The following RAD51C variants were observed in gnomAD, a reference collection of about 807,000 sequenced individuals.
RAD51C encodes RAD51 paralog C.
Under a neutral mutation model 45.0 loss-of-function variants are expected in RAD51C, and 42 were observed. The ratio of observed to expected loss-of-function variants is 0.93; its 90% CI spans 0.73 to 1.21. The LOEUF (loss-of-function observed/expected upper bound fraction) is 1.21, where lower values mean the gene tolerates loss of function less well. Among genes scored for constraint, RAD51C ranks in the 50% most tolerant of loss-of-function variants. The pLI is 0.00. For missense variants in RAD51C, 474 were observed against 452.2 expected (o/e 1.05, Z -0.44); for synonymous variants, 172 against 159.8 (o/e 1.08, Z -0.58).
rs960357173 is a variant in RAD51C at position 58,696,992 on chromosome 17, CTT to C, written c.571+136_571+137del. 17 of 1,071,812 alleles carry C rather than the reference CTT, an allele frequency of 1.6e-5. No homozygotes were observed. The African/African-American group carries it at 2.2e-4, about 14-fold the overall frequency. 66.4% of individuals were successfully genotyped at this position (1,071,812 alleles called of 1,614,324 possible). On this transcript the variant is annotated intron_variant, in intron 3 of 8. Transcript: ENST00000337432. ...CTGGACAGTTAACTAGTGTTAAACT[CTT>C]TTACTACTGTTACAAAATGAGAAAT...
chr17:58,734,588 G>GTTTTTTTTTTT lies in RAD51C; in HGVS notation c.*379_*389dup, dbSNP rs34517797. 9.9e-6 allele frequency: 1 copy of GTTTTTTTTTTT among 100,770 alleles called. No homozygotes were observed. The highest frequency in any genetic ancestry group is 4.9e-5 in the African/African-American group (1 of 20,388). 6.2% of individuals were successfully genotyped at this position (100,770 alleles called of 1,614,324 possible). On this transcript the variant is annotated 3_prime_UTR_variant, in exon 9 of 9. Coordinates refer to ENST00000337432, the MANE Select transcript of RAD51C (RefSeq NM_058216.3). Reference sequence around the variant, plus strand: ...AAGAAACATATCATATTCTTATTGTGTTTTTTTTTTTTTTTTTTTTTTTGG... The same window carrying GTTTTTTTTTTT: ...AAGAAACATATCATATTCTTATTGTGTTTTTTTTTTTTTTTTTTTTTTTTTTTTTTTTTTGG...
At chr17:58,726,686 G>A (rs548525658) in intron 7 of RAD51C, among the ~76,000 whole-genome samples, 8 of 151,778 alleles carry the variant, frequency 5.3e-5, no homozygotes, top group African/African-American at 1.9e-4. Context: ...GTATATGTGT[G>A]TGTATATATA....
chr17:58,700,705 G>A (rs767705227), intron 3 of RAD51C, among the ~76,000 whole-genome samples: 3 of 152,090 alleles, frequency 2.0e-5, no homozygotes, highest in African/African-American at 4.8e-5. Context: ...CTCCCAAAGC[G>A]CTGGGATTAC....
chr17:58,692,642 C>T lies in RAD51C; in HGVS notation c.-2C>T, dbSNP rs876658796. 20 of 1,613,932 alleles carry T rather than the reference C, an allele frequency of 1.2e-5. No homozygotes were observed. The highest frequency in any genetic ancestry group is 5.0e-5 in the Admixed American group (3 of 60,006). On this transcript the variant is annotated 5_prime_UTR_variant, in exon 1 of 9. Transcript: ENST00000337432. ...GCTCCGGGGTTAGCAGGTGAGCCTG[C>T]GATGCGCGGGAAGACGTTCCGCTTT...
At chr17:58,716,526 G>A (rs139297695) in intron 5 of RAD51C, among the ~76,000 whole-genome samples, 18 of 152,028 alleles carry the variant, frequency 1.2e-4, no homozygotes, top group East Asian at 1.2e-3. Context: ...GCAGTGGCGC[G>A]ATCTTGGCTC....
Position 58,692,761 on chromosome 17 carries a change from G to A in RAD51C, c.118G>A (p.Glu40Lys), listed in dbSNP as rs786204086. 1 of 1,614,246 alleles carries A rather than the reference G, an allele frequency of 6.2e-7. No individual in the cohort carries two copies. The highest frequency in any genetic ancestry group is 8.5e-7 in the Non-Finnish European group (1 of 1,180,044). Reference sequence around the variant, plus strand: ...GTTCCAGACTGCTGAGGAACTCCTAGAGGTGAAACCCTCCGAGCTTAGCAA... The same window carrying A: ...GTTCCAGACTGCTGAGGAACTCCTAAAGGTGAAACCCTCCGAGCTTAGCAA... Reference protein sequence around the residue: ...AGFQTAEELLEVKPSELSKEV... With the variant: ...AGFQTAEELLKVKPSELSKEV... Residue 40 changes from glutamate (E) to lysine (K), a missense_variant, in exon 1 of 9, where the codon GAG becomes AAG. Transcript: ENST00000337432.
Position 58,735,198 on chromosome 17 carries a change from T to G in RAD51C, c.*976T>G, listed in dbSNP as rs1298682655. On this transcript the variant is annotated 3_prime_UTR_variant, in exon 9 of 9. Transcript: ENST00000337432. ...AAGCTCACAATCATTTATTGCTACG[T>G]TTTTGTTTTTGTTTTGAGACAAGGT... 6.6e-6 allele frequency: 1 copy of G among 152,146 alleles called. No individual in the cohort carries two copies. The highest frequency in any genetic ancestry group is 1.5e-5 in the Non-Finnish European group (1 of 68,058). The allele number at this position is 152,146 out of a possible 1,614,324, so 9.4% of individuals were successfully genotyped here.
intron 7 of RAD51C, among the ~76,000 whole-genome samples, chr17:58,730,879 A>G (rs1459488035): frequency 6.6e-5 from 10 of 152,012 alleles, no homozygotes; most frequent in Non-Finnish European, 1.2e-4. Context: ...ATCATCATCC[A>G]TTTTCAGACC....
At chr17:58,724,144 T>C (rs560101163) in intron 7 of RAD51C, 44 bp downstream of exon 7, 2 of 1,539,466 alleles carry the variant, frequency 1.3e-6, no homozygotes, top group African/African-American at 1.4e-5. Flanking sequence ...TTGGGTTAAT[T>C]ATACTGAATG....
At chr17:58,706,539 C>T (rs2048385790) in intron 4 of RAD51C, 2 of 463,284 alleles carry the variant, frequency 4.3e-6, no homozygotes, top group Non-Finnish European at 9.0e-6. Flanking sequence ...TGGCCCTGCC[C>T]CTTCCTCTCT....
At chr17:58,732,585 G>T in intron 8 of RAD51C, 41 bp downstream of exon 8, 1 of 1,553,830 alleles carries the variant, frequency 6.4e-7, no homozygotes, top group African/African-American at 1.4e-5. Context: ...GATATTGATG[G>T]GCGGTAATTA....
At chr17:58,718,538 T>A (rs371154042) in intron 5 of RAD51C, among the ~76,000 whole-genome samples, 6 of 152,360 alleles carry the variant, frequency 3.9e-5, no homozygotes, top group African/African-American at 1.4e-4. Context: ...CCTGCTTTAT[T>A]TAAAATTACT....
At chr17:58,724,161 T>G in intron 7 of RAD51C, 61 bp downstream of exon 7, 1 of 1,496,084 alleles carries the variant, frequency 6.7e-7, no homozygotes, top group South Asian at 1.1e-5. Context: ...AATGAACACT[T>G]ACAGGTTTCT....
chr17:58,728,273 G>A (rs1312931963), intron 7 of RAD51C, among the ~76,000 whole-genome samples: 1 of 151,040 alleles, frequency 6.6e-6, no homozygotes, highest in Non-Finnish European at 1.5e-5. Context: ...ATGAAATTTT[G>A]TATGCTTTAT....
intron 6 of RAD51C, among the ~76,000 whole-genome samples, chr17:58,722,731 G>A (rs768094085): frequency 1.3e-5 from 2 of 152,136 alleles, no homozygotes; most frequent in Non-Finnish European, 2.9e-5. Context: ...GGCTGAATTT[G>A]CTTTGATTGG....
intron 5 of RAD51C, among the ~76,000 whole-genome samples, chr17:58,710,850 C>G (rs1020082343): frequency 6.6e-6 from 1 of 152,092 alleles, no homozygotes; most frequent in Non-Finnish European, 1.5e-5. Flanking sequence ...ACTTCCCACC[C>G]TGAATCCACA....
At chr17:58,703,110 A>G (rs757569985) in intron 3 of RAD51C, 86 bp from the exon 4 acceptor site, 8 of 1,447,612 alleles carry the variant, frequency 5.5e-6, no homozygotes, top group Non-Finnish European at 7.7e-6. Flanking sequence ...AAAGGAGAAC[A>G]TTTTGTTATT....
intron 5 of RAD51C, among the ~76,000 whole-genome samples, chr17:58,713,897 A>G (rs2048641077): frequency 6.6e-6 from 1 of 152,002 alleles, no homozygotes; most frequent in Non-Finnish European, 1.5e-5. Context: ...TAAGGGATCC[A>G]TCTGCTTCAG....
In RAD51C at chr17:58,728,275, A is replaced by G. The variant is rs148905432; in HGVS notation, c.965+4175A>G. ...AAAAAAAAGTTGCATGAAATTTTGT[A>G]TGCTTTATGCTTTTTAAATTTTAGG... On this transcript the variant is annotated intron_variant, in intron 7 of 8. Transcript: ENST00000337432. Among the ~76,000 whole-genome samples the G allele has an allele frequency of 4.7e-3, 711 of 151,830 alleles. 6 individuals carry two copies. Among genetic ancestry groups the G allele is most frequent in the African/African-American group, 0.016 (681 of 41,450 alleles).
Sources: gnomAD v4.1 joint callset for allele counts (sites outside exome capture counted in the v4.1 genomes callset) on GRCh38, gnomAD v4.1.1 for gene constraint, MANE v1.5 for transcripts, NCBI Gene and HGNC (gene_info 2026-07-23, HGNC 2026-07-21) for gene names.